The following OCA2 variants were observed in gnomAD, a reference collection of about 807,000 sequenced individuals.
OCA2 encodes the protein P protein.
OCA2 carries 77 observed loss-of-function variants against 100.2 expected under a neutral mutation model. The ratio of observed to expected loss-of-function variants is 0.77; its 90% CI spans 0.64 to 0.93. The LOEUF (loss-of-function observed/expected upper bound fraction) is 0.93. OCA2 is among the 40% of genes least tolerant of loss of function. OCA2 has a pLI of 0.00. For missense variants in OCA2, 1,062 were observed against 1,089.1 expected (o/e 0.98, Z 0.35); for synonymous variants, 432 against 439.2 (o/e 0.98, Z 0.21).
intron 19 of OCA2, among the ~76,000 whole-genome samples, chr15:27,913,970 AC>A (rs2038567813): frequency 6.6e-6 from 1 of 151,504 alleles, no homozygotes. Context: ...TCCCTGATGA[AC>A]ATAGATGCAA....
the OCA2 span, among the ~76,000 whole-genome samples, chr15:27,737,970 T>C: frequency 6.6e-6 from 1 of 152,200 alleles, no homozygotes; most frequent in Non-Finnish European, 1.5e-5. Flanking sequence ...CTTGAAGTGC[T>C]GTTACACACC....
chr15:27,748,699 C>T, the OCA2 span, among the ~76,000 whole-genome samples: 1 of 152,066 alleles, frequency 6.6e-6, no homozygotes, highest in Non-Finnish European at 1.5e-5. Context: ...GATGCCAACA[C>T]TAGGAGAAGT....
At chr15:27,763,774 G>A (rs1440366422) in intron 23 of OCA2, among the ~76,000 whole-genome samples, 3 of 152,200 alleles carry the variant, frequency 2.0e-5, no homozygotes, top group African/African-American at 4.8e-5. Flanking sequence ...CCCTGGTACT[G>A]GGTGGGAGTG....
At chr15:27,893,814 G>C (rs776646179) in intron 19 of OCA2, among the ~76,000 whole-genome samples, 3 of 152,188 alleles carry the variant, frequency 2.0e-5, no homozygotes, top group Non-Finnish European at 4.4e-5. Context: ...ACCCTTATCA[G>C]TGGTTCTGCT....
rs2040267335 is a variant in OCA2, at chr15:27,957,603, A to T, written c.1769T>A (p.Leu590Gln). The T allele has an allele frequency of 6.2e-7, 1 of 1,612,682 alleles. No individual in the cohort carries two copies. Among genetic ancestry groups the T allele is most frequent in the African/African-American group, 1.3e-5 (1 of 75,064 alleles). The change falls in exon 16 of 24, where the codon CTG becomes CAG. Residue 590 changes from leucine (L) to glutamine (Q), a missense_variant. Leu to Gln is a moderately radical substitution (Grantham distance 113). Coordinates refer to ENST00000354638, the MANE Select transcript of OCA2 (RefSeq NM_000275.3). The surrounding 1 kb of genome is among the most constrained non-coding windows in gnomAD (Gnocchi z 4.3). ...LALEHLLARR[L>Q]HTFHRQISQE... ...CGCCCGGTACCTGTGGAAGGTGTGCAGCCTCCGGGCGAGCAGGTGCTCCAG... is the reference window on the plus strand; with the variant it reads ...CGCCCGGTACCTGTGGAAGGTGTGCTGCCTCCGGGCGAGCAGGTGCTCCAG...
intron 18 of OCA2, among the ~76,000 whole-genome samples, chr15:27,942,379 C>T (rs1052007481): frequency 6.6e-6 from 1 of 151,658 alleles, no homozygotes; most frequent in African/African-American, 2.4e-5. Context: ...AAATGTTATG[C>T]TAAGTGAAAG....
chr15:27,789,606 C>A (rs142885395), intron 23 of OCA2, among the ~76,000 whole-genome samples: 21 of 152,254 alleles, frequency 1.4e-4, no homozygotes, highest in African/African-American at 5.1e-4. Context: ...GCTTTCTATG[C>A]CCTCAGGGAC....
chr15:27,726,123 C>T, the OCA2 span, among the ~76,000 whole-genome samples: 1 of 151,828 alleles, frequency 6.6e-6, no homozygotes. Flanking sequence ...ATGGTGAAAC[C>T]CTGTCTATAC....
chr15:27,838,851 G>T (rs1423443894), intron 23 of OCA2, among the ~76,000 whole-genome samples: 4 of 152,096 alleles, frequency 2.6e-5, no homozygotes, highest in African/African-American at 9.7e-5. Context: ...AAGCTCAGGG[G>T]TACTGTACCC....
intron 2 of OCA2, among the ~76,000 whole-genome samples, chr15:28,079,411 T>A (rs979362981): frequency 6.6e-6 from 1 of 152,080 alleles, no homozygotes; most frequent in Non-Finnish European, 1.5e-5. Flanking sequence ...ACTGTGTACA[T>A]GGCCACCAGG....
rs1050254979 is a variant in OCA2, at chr15:28,043,800, A to T, written c.228-11637T>A. ...GTTATTGAAGAGATAAATCATTTTT[A>T]TTGCACAAAGCACAGAAGTATACTC... On this transcript the variant is annotated intron_variant, in intron 2 of 23. Coordinates refer to ENST00000354638, the MANE Select transcript of OCA2 (RefSeq NM_000275.3). The surrounding 1 kb of genome is among the most constrained non-coding windows in gnomAD (Gnocchi z 4.4). Among the ~76,000 whole-genome samples, 1 of 152,202 alleles carries T rather than the reference A, an allele frequency of 6.6e-6. No homozygotes were observed. The highest frequency in any genetic ancestry group is 2.4e-5 in the African/African-American group (1 of 41,460).
intron 2 of OCA2, among the ~76,000 whole-genome samples, chr15:28,063,045 G>GC (rs746056049): frequency 1.3e-5 from 2 of 152,100 alleles, no homozygotes; most frequent in Non-Finnish European, 2.9e-5. Flanking sequence ...TGGATTGCTT[G>GC]CATTTCTCTA....
At chr15:27,752,460 T>C (rs1308655365), downstream of OCA2, among the ~76,000 whole-genome samples, 2 of 152,176 alleles carry the variant, frequency 1.3e-5, no homozygotes, top group Non-Finnish European at 2.9e-5. Flanking sequence ...GTGGAAAAGC[T>C]CATGGCACTT....
chr15:28,004,480 C>T (rs2141141349), intron 9 of OCA2, among the ~76,000 whole-genome samples: 1 of 152,336 alleles, frequency 6.6e-6, no homozygotes, highest in Admixed American at 6.5e-5. Flanking sequence ...GGCACACACC[C>T]ACACACAGAC....
chr15:27,878,674 G>A (rs767947026), intron 19 of OCA2, among the ~76,000 whole-genome samples: 1 of 152,058 alleles, frequency 6.6e-6, no homozygotes, highest in African/African-American at 2.4e-5. Flanking sequence ...TGATTATGAT[G>A]TGTCTAGGCA....
intron 1 of OCA2, among the ~76,000 whole-genome samples, chr15:28,084,439 C>T (rs981645805): frequency 1.1e-4 from 16 of 152,220 alleles, no homozygotes; most frequent in Admixed American, 9.8e-4. Context: ...CAAACACCCT[C>T]CTCTTACTTG....
At chr15:28,070,413 G>A (rs867174745) in intron 2 of OCA2, among the ~76,000 whole-genome samples, 6 of 133,542 alleles carry the variant, frequency 4.5e-5, no homozygotes, top group Non-Finnish European at 9.3e-5. Context: ...CCTCAGCCCG[G>A]CCAGCCACCC....
In OCA2 at chr15:27,913,884, AAAGAAAGAAAGCAAGCAAGC is replaced by A. The variant is rs1567098225; in HGVS notation, c.2079+12223_2079+12242del. The stretch of plus-strand genomic sequence containing the variant: ...GAAAGAAAGAAAGAAAGAAAGAAAG[AAAGAAAGAAAGCAAGCAAGC>A]AAGCAAGCAAGCAAGCAAGCAAGCA... On this transcript the variant is annotated intron_variant, in intron 19 of 23. Transcript: ENST00000354638. Among the ~76,000 whole-genome samples, 23 of 64,046 alleles carry A rather than the reference AAAGAAAGAAAGCAAGCAAGC, an allele frequency of 3.6e-4. 2 individuals carry two copies. Among genetic ancestry groups the A allele is most frequent in the African/African-American group, 1.3e-3 (18 of 13,594 alleles). The allele number at this position is 64,046 out of a possible 152,430, so 42.0% of individuals were successfully genotyped here.
At chr15:27,981,599 C>G (rs992473486) in intron 14 of OCA2, among the ~76,000 whole-genome samples, 1 of 152,190 alleles carries the variant, frequency 6.6e-6, no homozygotes, top group African/African-American at 2.4e-5. Context: ...GAGTACTCTA[C>G]CCAGTGCTCC....
Sources: allele counts gnomAD v4.1 joint callset (sites outside exome capture counted in the v4.1 genomes callset), GRCh38; gene constraint gnomAD v4.1.1; non-coding constraint Gnocchi (gnomAD v3.1); transcripts MANE v1.5; gene names NCBI Gene and HGNC (gene_info 2026-07-23, HGNC 2026-07-21).